Variants in UGT8 observed in about 807,000 individuals in gnomAD.
The protein encoded by UGT8 is UDP glycosyltransferase 8.
In UGT8, 12 loss-of-function variants were observed where a neutral mutation model predicts 40.5. The ratio of observed to expected loss-of-function variants is 0.30; its 90% CI spans 0.19 to 0.48. The LOEUF (loss-of-function observed/expected upper bound fraction) is 0.48. UGT8 is among the 20% of genes least tolerant of loss of function. UGT8 has a pLI of 0.99. For synonymous variants in UGT8, 224 were observed against 240.4 expected (o/e 0.93, Z 0.63); for missense variants, 513 against 648.7 (o/e 0.79, Z 2.27).
At chr4:114,625,372 A>ATGGTGATG (rs1300040638) in intron 2 of UGT8, among the ~76,000 whole-genome samples, 1 of 151,960 alleles carries the variant, frequency 6.6e-6, no homozygotes, top group African/African-American at 2.4e-5. Context: ...TTAGCTGGGT[A>ATGGTGATG]TGGTGATGCA....
chr4:114,650,682 AT>A (rs1303740395), intron 2 of UGT8, among the ~76,000 whole-genome samples: 3 of 152,078 alleles, frequency 2.0e-5, no homozygotes, highest in Non-Finnish European at 4.4e-5. Flanking sequence ...TTTTTAATCT[AT>A]TTTGTGGCAT....
intron 2 of UGT8, among the ~76,000 whole-genome samples, chr4:114,649,370 T>C (rs1275215948): frequency 1.3e-5 from 2 of 152,196 alleles, no homozygotes; most frequent in Non-Finnish European, 2.9e-5. Flanking sequence ...GTATTCTTCT[T>C]TGTGGTTGCG....
chr4:114,675,989 C>A lies in UGT8; in HGVS notation c.1327C>A (p.Arg443=). ...HKDQPGHPVN[R]TIYWIDYIIR... ...GGATCAACCTGGTCACCCTGTCAATCGAACTATCTATTGGATAGATTATAT... is the reference window on the plus strand; with the variant it reads ...GGATCAACCTGGTCACCCTGTCAATAGAACTATCTATTGGATAGATTATAT... Residue 443 remains arginine, a synonymous_variant, in exon 6 of 6, where the codon CGA becomes AGA. Transcript: ENST00000310836. 1 of 1,614,146 alleles carries A rather than the reference C, an allele frequency of 6.2e-7. No homozygotes were observed. Among genetic ancestry groups the A allele is most frequent in the Non-Finnish European group, 8.5e-7 (1 of 1,180,016 alleles).
chr4:114,633,549 G>A (rs1280647843), intron 2 of UGT8, among the ~76,000 whole-genome samples: 1 of 152,178 alleles, frequency 6.6e-6, no homozygotes, highest in East Asian at 1.9e-4. Flanking sequence ...TTAGAGAGAT[G>A]AACAGAGATG....
intron 5 of UGT8, 55 bp from the exon 6 acceptor site, chr4:114,675,870 A>C (rs1411728393): frequency 5.2e-6 from 8 of 1,527,970 alleles, no homozygotes; most frequent in East Asian, 2.3e-5. Context: ...GATATGCATA[A>C]ATATAGAACT....
chr4:114,631,906 T>C (rs188294014), intron 2 of UGT8, among the ~76,000 whole-genome samples: 31 of 152,366 alleles, frequency 2.0e-4, no homozygotes, highest in African/African-American at 7.0e-4. Flanking sequence ...GATTACACTG[T>C]AGATCTGAAC....
rs747939994 is a variant in UGT8 at position 114,676,020 on chromosome 4, G to A, written c.1358G>A (p.Arg453His). The A allele has an allele frequency of 1.1e-5, 18 of 1,613,982 alleles. No homozygotes were observed. Among genetic ancestry groups the A allele is most frequent in the Middle Eastern group, 3.3e-4 (2 of 6,084 alleles). Residue 453 changes from arginine (R) to histidine (H), a missense_variant, in exon 6 of 6, where the codon CGT becomes CAT. This residue lies in a region of UGT8 where 175 missense variants were observed against 186.7 expected (regional missense o/e 0.94). Coordinates refer to ENST00000310836, the MANE Select transcript of UGT8 (RefSeq NM_001128174.3). ...ATCTATTGGATAGATTATATTATTC[G>A]TCACAATGGAGCCCATCACCTACGT... is the stretch of plus-strand genomic sequence containing the variant. ...RTIYWIDYII[R>H]HNGAHHLRAA...
At chr4:114,662,592 C>CT (rs1734609610) in intron 2 of UGT8, among the ~76,000 whole-genome samples, 1 of 152,076 alleles carries the variant, frequency 6.6e-6, no homozygotes, top group South Asian at 2.1e-4. Context: ...GATGTACCTC[C>CT]TTTCTGTCAT....
intron 1 of UGT8, among the ~76,000 whole-genome samples, chr4:114,611,413 T>TCC (rs1407881161): frequency 4.1e-5 from 1 of 24,472 alleles, no homozygotes; most frequent in Non-Finnish European, 1.2e-4. Flanking sequence ...CATATATATA[T>TCC]ATATATATAT....
chr4:114,674,782 G>A (rs1560714271), intron 5 of UGT8, among the ~76,000 whole-genome samples: 1 of 152,162 alleles, frequency 6.6e-6, no homozygotes, highest in African/African-American at 2.4e-5. Flanking sequence ...GCACAACTCA[G>A]TAGTGCTATA....
At chr4:114,654,288 G>T (rs1018618416) in intron 2 of UGT8, among the ~76,000 whole-genome samples, 2 of 148,760 alleles carry the variant, frequency 1.3e-5, no homozygotes, top group Admixed American at 1.3e-4. Context: ...ATCTTTATGA[G>T]AAAAAAAAAA....
chr4:114,670,454 AAG>A (rs1553936674), intron 5 of UGT8, among the ~76,000 whole-genome samples: 3 of 150,856 alleles, frequency 2.0e-5, no homozygotes, highest in Non-Finnish European at 4.4e-5. Flanking sequence ...AAAAAAAAAA[AAG>A]CTTATCCACT....
intron 1 of UGT8, among the ~76,000 whole-genome samples, chr4:114,618,699 AT>A (rs1479875243): frequency 2.0e-5 from 3 of 152,038 alleles, no homozygotes; most frequent in Admixed American, 1.3e-4. Flanking sequence ...CTTTATGCTT[AT>A]TTTTTTCTCT....
chr4:114,669,631 A>G (rs1735109907), intron 5 of UGT8, among the ~76,000 whole-genome samples: 1 of 152,204 alleles, frequency 6.6e-6, no homozygotes, highest in Non-Finnish European at 1.5e-5. Context: ...ACCAGGCTGA[A>G]TCAGAGCAAG....
intron 2 of UGT8, 45 bp downstream of exon 2, chr4:114,623,747 G>C: frequency 6.5e-7 from 1 of 1,535,852 alleles, no homozygotes; most frequent in Non-Finnish European, 8.7e-7. Context: ...TAATGTAAAA[G>C]TCAATTTTGA....
rs1368153733 is a variant in UGT8 at position 114,677,640 on chromosome 4, C to T, written c.*1352C>T. On this transcript the variant is annotated 3_prime_UTR_variant, in exon 6 of 6. Transcript: ENST00000310836. ...ATCAGGGTCTCCCTGCTGAAGCATT[C>T]ACTAGTTGGCAACTATGAATTTATT... The T allele has an allele frequency of 2.0e-5, 3 of 152,222 alleles. No homozygotes were observed. The highest frequency in any genetic ancestry group is 7.2e-5 in the African/African-American group (3 of 41,462). 9.4% of individuals were successfully genotyped at this position (152,222 alleles called of 1,614,324 possible). A position where few individuals can be genotyped will look rare whatever the true frequency, so the allele number is the denominator to read the frequency against.
chr4:114,659,225 A>T (rs1363844857), intron 2 of UGT8, among the ~76,000 whole-genome samples: 3 of 152,232 alleles, frequency 2.0e-5, no homozygotes, highest in African/African-American at 4.8e-5. Flanking sequence ...TTTCCTTATT[A>T]TGCTACCTTT....
At chr4:114,614,836 CAG>C (rs1379471084) in intron 1 of UGT8, among the ~76,000 whole-genome samples, 3 of 138,876 alleles carry the variant, frequency 2.2e-5, no homozygotes, top group Non-Finnish European at 4.6e-5. Context: ...TTAAAGGTGC[CAG>C]ACTTTTTTTT....
intron 2 of UGT8, among the ~76,000 whole-genome samples, chr4:114,626,436 A>G (rs890486611): frequency 7.9e-5 from 12 of 152,222 alleles, no homozygotes; most frequent in South Asian, 2.1e-4. Context: ...AGATGTCTGT[A>G]AATGATTTTA....
Sources: gnomAD v4.1 joint callset for allele counts (sites outside exome capture counted in the v4.1 genomes callset) on GRCh38, gnomAD v4.1.1 for gene constraint, gnomAD v4.1.1 regional missense constraint, MANE v1.5 for transcripts, NCBI Gene and HGNC (gene_info 2026-07-23, HGNC 2026-07-21) for gene names.